The following CDC42SE2 variants were observed in gnomAD, a reference collection of about 807,000 sequenced individuals.
The protein encoded by CDC42SE2 is CDC42 small effector protein 2.
Under a neutral mutation model 11.5 loss-of-function variants are expected in CDC42SE2, and 3 were observed. That is an observed-to-expected ratio of 0.26 (90% CI 0.12 to 0.67). CDC42SE2 has a LOEUF of 0.67. Ranked by LOEUF, CDC42SE2 falls within the 30% of genes least tolerant of loss-of-function variation. The pLI, the probability that CDC42SE2 is intolerant of heterozygous loss-of-function variation, is 0.80. For missense variants in CDC42SE2, 82 were observed against 106.8 expected (o/e 0.77, Z 1.02); for synonymous variants, 33 against 34.8 (o/e 0.95, Z 0.18).
At chr5:131,334,755 A>T (rs1327958526) in intron 2 of CDC42SE2, among the ~76,000 whole-genome samples, 1 of 152,122 alleles carries the variant, frequency 6.6e-6, no homozygotes, top group Admixed American at 6.6e-5. Flanking sequence ...ATTTGCGTAG[A>T]GGTGTTTATA....
At chr5:131,247,600 C>T (rs904979258) in intron 1 of CDC42SE2, among the ~76,000 whole-genome samples, 6 of 151,818 alleles carry the variant, frequency 4.0e-5, no homozygotes, top group Non-Finnish European at 7.4e-5. Flanking sequence ...CCCTTGATGA[C>T]GCAGCAAGAC....
At chr5:131,323,592 C>T (rs907579310) in intron 2 of CDC42SE2, among the ~76,000 whole-genome samples, 1 of 127,552 alleles carries the variant, frequency 7.8e-6, no homozygotes, top group Non-Finnish European at 1.6e-5. Flanking sequence ...ATGTGAGTCA[C>T]CTAGGGAACA....
In CDC42SE2 at chr5:131,328,535, A is replaced by G. The variant is rs543133130; in HGVS notation, c.-286+12391A>G. On this transcript the variant is annotated intron_variant, in intron 2 of 4. Transcript: ENST00000505065. ...CTGTTACCTGGATATTGTCTGTTTT[A>G]CATATTCAGTATTTCTACTTGATCC... is the stretch of plus-strand genomic sequence containing the variant. Among the ~76,000 whole-genome samples the G allele has an allele frequency of 5.9e-4, 90 of 152,128 alleles. 1 individual carries two copies. Among genetic ancestry groups the G allele is most frequent in the Admixed American group, 5.9e-3 (90 of 15,274 alleles).
chr5:131,381,569 C>G (rs965604923), intron 3 of CDC42SE2, among the ~76,000 whole-genome samples: 2 of 152,220 alleles, frequency 1.3e-5, no homozygotes, highest in South Asian at 4.1e-4. Flanking sequence ...GTGATCCACC[C>G]GCCTCGGCCT....
intron 3 of CDC42SE2, among the ~76,000 whole-genome samples, chr5:131,379,820 G>A (rs930470693): frequency 3.9e-5 from 6 of 152,174 alleles, no homozygotes; most frequent in African/African-American, 9.7e-5. Flanking sequence ...CTCTGCTAAC[G>A]ACAACTGTTA....
intron 1 of CDC42SE2, among the ~76,000 whole-genome samples, chr5:131,291,221 A>G (rs1050668993): frequency 1.3e-5 from 2 of 152,128 alleles, no homozygotes; most frequent in African/African-American, 2.4e-5. Flanking sequence ...TGGTCCATGA[A>G]TTTATGTATA....
chr5:131,308,510 C>T (rs1364087667), intron 1 of CDC42SE2, among the ~76,000 whole-genome samples: 3 of 151,822 alleles, frequency 2.0e-5, no homozygotes, highest in Non-Finnish European at 4.4e-5. Flanking sequence ...ATGGGGATGG[C>T]ATTGAATCTG....
intron 2 of CDC42SE2, among the ~76,000 whole-genome samples, chr5:131,336,944 T>G (rs927681002): frequency 6.6e-6 from 1 of 152,206 alleles, no homozygotes; most frequent in African/African-American, 2.4e-5. Flanking sequence ...AGTAGTTTGA[T>G]CTTCTGAAGC....
At chr5:131,271,629 G>C (rs1274970779) in intron 1 of CDC42SE2, among the ~76,000 whole-genome samples, 1 of 152,152 alleles carries the variant, frequency 6.6e-6, no homozygotes, top group African/African-American at 2.4e-5. Context: ...AGGGATGGCT[G>C]TAAACGTTTC....
chr5:131,294,808 A>G (rs1166777284), intron 1 of CDC42SE2, among the ~76,000 whole-genome samples: 1 of 152,172 alleles, frequency 6.6e-6, no homozygotes, highest in African/African-American at 2.4e-5. Flanking sequence ...CCTGGCCAAC[A>G]TGGCAGAACT....
chr5:131,270,367 TC>T (rs1462334214), intron 1 of CDC42SE2, among the ~76,000 whole-genome samples: 1 of 152,164 alleles, frequency 6.6e-6, no homozygotes, highest in Non-Finnish European at 1.5e-5. Context: ...AGAGTGAGAC[TC>T]CGTCTCAAAG....
intron 2 of CDC42SE2, among the ~76,000 whole-genome samples, chr5:131,347,286 A>G (rs996065324): frequency 1.3e-5 from 2 of 152,210 alleles, no homozygotes; most frequent in African/African-American, 2.4e-5. Context: ...AGAAGAATCA[A>G]ATAGATGCAA....
intron 1 of CDC42SE2, among the ~76,000 whole-genome samples, chr5:131,251,491 T>C (rs1195679716): frequency 6.6e-6 from 1 of 152,244 alleles, no homozygotes; most frequent in Non-Finnish European, 1.5e-5. Flanking sequence ...TAACAGGTTC[T>C]TATATTTTTA....
chr5:131,360,462 A>G (rs772134388), intron 3 of CDC42SE2, among the ~76,000 whole-genome samples: 4 of 152,252 alleles, frequency 2.6e-5, no homozygotes, highest in Admixed American at 6.5e-5. Flanking sequence ...TGTTACTTAC[A>G]TAAAAATTGC....
At chr5:131,333,102 T>A (rs1043917184) in intron 2 of CDC42SE2, among the ~76,000 whole-genome samples, 2 of 152,234 alleles carry the variant, frequency 1.3e-5, no homozygotes, top group African/African-American at 4.8e-5. Context: ...TGGTTTTAGG[T>A]CTAACCTGTA....
chr5:131,292,677 T>C (rs2149710196), intron 1 of CDC42SE2, among the ~76,000 whole-genome samples: 1 of 151,738 alleles, frequency 6.6e-6, no homozygotes. Context: ...GGTTGGCAGA[T>C]CTCAAGTGAT....
At chr5:131,282,594 C>A (rs1757258742) in intron 1 of CDC42SE2, among the ~76,000 whole-genome samples, 1 of 151,770 alleles carries the variant, frequency 6.6e-6, no homozygotes, top group Non-Finnish European at 1.5e-5. Flanking sequence ...CTTAATGACA[C>A]CCTAATTGAG....
At chr5:131,220,986 G>A in the CDC42SE2 span, among the ~76,000 whole-genome samples, 4 of 149,818 alleles carry the variant, frequency 2.7e-5, no homozygotes, top group South Asian at 4.2e-4. Flanking sequence ...CTGGGTTCAA[G>A]CAATTATCCT....
intron 1 of CDC42SE2, among the ~76,000 whole-genome samples, chr5:131,297,712 TC>T (rs1483386483): frequency 6.6e-6 from 1 of 150,996 alleles, no homozygotes. Flanking sequence ...AGAGCAAGAC[TC>T]CATTTCAAAA....
Sources: gnomAD v4.1 joint callset for allele counts (sites outside exome capture counted in the v4.1 genomes callset) on GRCh38, gnomAD v4.1.1 for gene constraint, MANE v1.5 for transcripts, NCBI Gene and HGNC (gene_info 2026-07-23, HGNC 2026-07-21) for gene names.